GRM5: variants seen among roughly 807,000 people sequenced by gnomAD.
GRM5 encodes glutamate metabotropic receptor 5.
Under a neutral mutation model 83.1 loss-of-function variants are expected in GRM5, and 19 were observed. The observed-to-expected ratio is 0.23, with a 90% CI of 0.16 to 0.34. The LOEUF is 0.34. Ranked by LOEUF, GRM5 falls within the 10% of genes least tolerant of loss-of-function variation. The probability of loss-of-function intolerance (pLI) is 1.00; values close to 1 mark genes in which losing one functional copy is unlikely to be tolerated. For synonymous variants in GRM5, 675 were observed against 633.6 expected (o/e 1.07, Z -0.98); for missense variants, 1,160 against 1,588.3 (o/e 0.73, Z 4.58).
intron 4 of GRM5, among the ~76,000 whole-genome samples, chr11:88,631,616 G>T (rs542411311): frequency 1.0e-3 from 154 of 152,268 alleles, no homozygotes; most frequent in Middle Eastern, 6.8e-3. Flanking sequence ...CCCGGTTACA[G>T]AGTGAGTGAA....
At chr11:88,516,021 T>C (rs1005536743) in intron 9 of GRM5, among the ~76,000 whole-genome samples, 14 of 150,868 alleles carry the variant, frequency 9.3e-5, no homozygotes, top group Admixed American at 9.2e-4. Context: ...TAGGATAGGA[T>C]TTATCAGATA....
intron 1 of GRM5, among the ~76,000 whole-genome samples, chr11:89,062,614 G>A (rs78622284): frequency 0.05 from 7,642 of 152,256 alleles, 318 homozygotes; most frequent in African/African-American, 0.11. Context: ...GTCCAGCTAA[G>A]GCAGCATCAA....
At chr11:88,861,640 A>T (rs1008462135) in intron 2 of GRM5, among the ~76,000 whole-genome samples, 2 of 151,642 alleles carry the variant, frequency 1.3e-5, no homozygotes, top group Non-Finnish European at 2.9e-5. Context: ...TAATTTTTGT[A>T]TTTTTTTGTA....
At chr11:88,860,329 T>G (rs146209577) in intron 2 of GRM5, among the ~76,000 whole-genome samples, 1 of 152,158 alleles carries the variant, frequency 6.6e-6, no homozygotes, top group African/African-American at 2.4e-5. Flanking sequence ...CTTTGTAAGC[T>G]GTCAAATTCA....
chr11:88,866,116 C>T (rs934152775), intron 2 of GRM5, among the ~76,000 whole-genome samples: 1 of 151,244 alleles, frequency 6.6e-6, no homozygotes, highest in African/African-American at 2.4e-5. Flanking sequence ...ACATATGTTG[C>T]AGCACTATTC....
intron 3 of GRM5, among the ~76,000 whole-genome samples, chr11:88,745,058 G>A (rs12799111): frequency 0.33 from 50,195 of 151,842 alleles, 8,655 homozygotes; most frequent in African/African-American, 0.38. Flanking sequence ...TAAATATACC[G>A]TAGAATTGTT....
chr11:88,912,548 A>AG (rs904313329), intron 2 of GRM5, among the ~76,000 whole-genome samples: 5 of 56,378 alleles, frequency 8.9e-5, no homozygotes, highest in African/African-American at 2.8e-4. Flanking sequence ...TGTTGGTGGG[A>AG]GGGGGGAGGG....
At chr11:88,597,662 T>C (rs1270347953) in intron 5 of GRM5, among the ~76,000 whole-genome samples, 1 of 152,116 alleles carries the variant, frequency 6.6e-6, no homozygotes, top group Non-Finnish European at 1.5e-5. Context: ...GTTAGGCTTC[T>C]ACAAAAGATA....
At chr11:88,927,816 A>C (rs1262701398) in intron 2 of GRM5, among the ~76,000 whole-genome samples, 1 of 152,164 alleles carries the variant, frequency 6.6e-6, no homozygotes, top group Non-Finnish European at 1.5e-5. Flanking sequence ...AGATTTCTTA[A>C]AAATATTTTT....
At chr11:88,841,776 G>A in intron 3 of GRM5, among the ~76,000 whole-genome samples, 1 of 152,082 alleles carries the variant, frequency 6.6e-6, no homozygotes, top group East Asian at 1.9e-4. Flanking sequence ...TGACACTTTT[G>A]TTCCCATGGT....
chr11:88,747,373 T>C (rs117810407), intron 3 of GRM5, among the ~76,000 whole-genome samples: 109 of 152,248 alleles, frequency 7.2e-4, no homozygotes, highest in Middle Eastern at 3.4e-3. Flanking sequence ...GGAGTAGATA[T>C]AGAACGAAGA....
intron 3 of GRM5, among the ~76,000 whole-genome samples, chr11:88,812,546 G>T (rs912978465): frequency 2.6e-5 from 4 of 152,184 alleles, no homozygotes; most frequent in Non-Finnish European, 4.4e-5. Flanking sequence ...TAGAGATAAA[G>T]CAACTAAGAC....
At chr11:88,576,938 A>T (rs1021328381) in intron 7 of GRM5, among the ~76,000 whole-genome samples, 3 of 152,088 alleles carry the variant, frequency 2.0e-5, no homozygotes, top group African/African-American at 7.2e-5. Flanking sequence ...TTTTAGTCAG[A>T]CTCATAAAAT....
chr11:88,937,250 G>A (rs1175887271), intron 2 of GRM5, among the ~76,000 whole-genome samples: 6 of 151,574 alleles, frequency 4.0e-5, no homozygotes, highest in African/African-American at 1.2e-4. Flanking sequence ...ATATACTGGC[G>A]TTTATGGTAC....
chr11:88,630,279 C>T (rs1938926396), intron 4 of GRM5, among the ~76,000 whole-genome samples: 1 of 152,034 alleles, frequency 6.6e-6, no homozygotes, highest in South Asian at 2.1e-4. Context: ...GTATGTTCCA[C>T]GAAGGCAAGA....
chr11:88,556,913 T>A (rs975795388), intron 8 of GRM5, among the ~76,000 whole-genome samples: 5 of 151,950 alleles, frequency 3.3e-5, no homozygotes, highest in Non-Finnish European at 5.9e-5. Flanking sequence ...AGAAAAAAAA[T>A]GTTGCATTTA....
At chr11:88,613,787 G>C (rs966512335) in intron 4 of GRM5, among the ~76,000 whole-genome samples, 2 of 152,142 alleles carry the variant, frequency 1.3e-5, no homozygotes, top group Admixed American at 6.6e-5. Flanking sequence ...AGACCACCAT[G>C]ATTGCAGATA....
intron 2 of GRM5, among the ~76,000 whole-genome samples, chr11:88,953,685 T>C (rs1451750328): frequency 2.0e-5 from 3 of 152,174 alleles, no homozygotes; most frequent in African/African-American, 7.2e-5. Flanking sequence ...AATATCAACA[T>C]TGCCTATGTT....
At chr11:88,864,396 A>C (rs1441653324) in intron 2 of GRM5, among the ~76,000 whole-genome samples, 1 of 151,918 alleles carries the variant, frequency 6.6e-6, no homozygotes, top group Non-Finnish European at 1.5e-5. Flanking sequence ...AAAATGAACA[A>C]AGGTGTATTC....
Sources: gnomAD v4.1 joint callset for allele counts (sites outside exome capture counted in the v4.1 genomes callset) on GRCh38, gnomAD v4.1.1 for gene constraint, MANE v1.5 for transcripts, NCBI Gene and HGNC (gene_info 2026-07-23, HGNC 2026-07-21) for gene names.